RPN2: variants seen among roughly 807,000 people sequenced by gnomAD.
RPN2 encodes the protein ribophorin II.
In RPN2, 29 loss-of-function variants were observed where a neutral mutation model predicts 71.4. The observed-to-expected ratio is 0.41, with a 90% CI of 0.30 to 0.55. RPN2 has a LOEUF of 0.55. Among genes scored for constraint, RPN2 ranks in the 20% least tolerant of loss-of-function variants. The probability of loss-of-function intolerance (pLI) is 0.35; values close to 1 mark genes in which losing one functional copy is unlikely to be tolerated. For missense variants in RPN2, 726 were observed against 774.1 expected (o/e 0.94, Z 0.74); for synonymous variants, 308 against 305.0 (o/e 1.01, Z -0.10).
chr20:37,234,709 C>G (rs559544277), intron 15 of RPN2, among the ~76,000 whole-genome samples: 13 of 143,128 alleles, frequency 9.1e-5, no homozygotes, highest in African/African-American at 3.4e-4. Flanking sequence ...GAGACAGGGT[C>G]TTACTCTGTC....
intron 2 of RPN2, among the ~76,000 whole-genome samples, chr20:37,188,234 T>C (rs1032099416): frequency 1.3e-5 from 2 of 152,188 alleles, no homozygotes; most frequent in African/African-American, 4.8e-5. Context: ...AGTGGCGCGA[T>C]CTTGGCCCAC....
At chr20:37,198,617 T>G (rs941458699) in intron 3 of RPN2, 125 bp downstream of exon 3, 17 of 1,388,626 alleles carry the variant, frequency 1.2e-5, no homozygotes, top group Non-Finnish European at 1.6e-5. Flanking sequence ...GGGAATTCCA[T>G]TCCTGTGATT....
In RPN2 at chr20:37,196,791, G is replaced by C. The variant is rs137978684; in HGVS notation, c.208-1606G>C. On this transcript the variant is annotated intron_variant, in intron 2 of 16. Transcript: ENST00000237530. ...TGATTTGATACTGTTTCTTGGAGTCGAGGAGAGTCGTAGTAGCGGGGGCTT... is the reference window on the plus strand; with the variant it reads ...TGATTTGATACTGTTTCTTGGAGTCCAGGAGAGTCGTAGTAGCGGGGGCTT... Among the ~76,000 whole-genome samples the C allele has an allele frequency of 2.0e-5, 3 of 152,318 alleles. 1 individual carries two copies. The highest frequency in any genetic ancestry group is 2.1e-4 in the South Asian group (1 of 4,826).
rs182359434 is a variant in RPN2 at position 37,180,148 on chromosome 20, T to G, written c.13+779T>G. On this transcript the variant is annotated intron_variant, in intron 1 of 16. Transcript: ENST00000237530. ...AGCATGTACTCTTGTTACTACCATT[T>G]GACAGATGAGAAGTTGGAATCCCAC... Among the ~76,000 whole-genome samples the G allele has an allele frequency of 2.0e-5, 3 of 152,344 alleles. No homozygotes were observed. In the East Asian group the frequency reaches 5.8e-4, roughly 29 times the overall value.
intron 4 of RPN2, chr20:37,200,572 T>A (rs2067365937): frequency 5.9e-6 from 3 of 508,346 alleles, no homozygotes. Flanking sequence ...GTTTTTTTGC[T>A]GACAACCAGA....
chr20:37,236,620 C>T lies in RPN2; in HGVS notation c.1794C>T (p.Asn598=). The change falls in exon 16 of 17, where the codon AAC becomes AAT. Residue 598 remains asparagine (N), a synonymous_variant. Transcript: ENST00000237530. ...GLMYVYWTQL[N]MFQTLKYLAI... The stretch of plus-strand genomic sequence containing the variant: ...TGTATGTCTACTGGACTCAGCTCAA[C>T]ATGTTCCAGACCTTGAAGTACCTGG... The T allele has an allele frequency of 6.2e-7, 1 of 1,614,062 alleles. No homozygotes were observed. The highest frequency in any genetic ancestry group is 8.5e-7 in the Non-Finnish European group (1 of 1,179,894).
chr20:37,225,445 A>G (rs1365726147), intron 10 of RPN2, among the ~76,000 whole-genome samples: 1 of 152,192 alleles, frequency 6.6e-6, no homozygotes, highest in African/African-American at 2.4e-5. Context: ...CAGAGGTACA[A>G]GCATCTGTAC....
Position 37,213,846 on chromosome 20 carries a change from A to G in RPN2, c.1073A>G (p.Tyr358Cys), listed in dbSNP as rs757655386. ...GTCGAAGTTGAAGGTGACAACCGGT[A>G]TATTGCAAATACCGTAGAGGTAGGT... Reference protein sequence around the residue: ...FLVEVEGDNRYIANTVELRVK... With the variant: ...FLVEVEGDNRCIANTVELRVK... The change falls in exon 9 of 17, where the codon TAT becomes TGT. Residue 358 changes from tyrosine to cysteine, a missense_variant. Coordinates refer to ENST00000237530, the MANE Select transcript of RPN2 (RefSeq NM_002951.5). 10 of 1,613,192 alleles carry G rather than the reference A, an allele frequency of 6.2e-6. No individual in the cohort carries two copies. In the Admixed American group the frequency reaches 1.7e-4, roughly 27 times the overall value.
chr20:37,231,375 A>ACAAAAAAC, intron 13 of RPN2, among the ~76,000 whole-genome samples: 1 of 151,606 alleles, frequency 6.6e-6, no homozygotes, highest in African/African-American at 2.4e-5. Context: ...AAAACAAAAA[A>ACAAAAAAC]CAAAAAAAAA....
chr20:37,215,250 G>A (rs1394222337), intron 9 of RPN2, among the ~76,000 whole-genome samples: 1 of 152,176 alleles, frequency 6.6e-6, no homozygotes, highest in East Asian at 1.9e-4. Flanking sequence ...TAGCTAGAAA[G>A]TTTGACCTTT....
At chr20:37,196,232 C>G (rs184295194) in intron 2 of RPN2, among the ~76,000 whole-genome samples, 11 of 149,080 alleles carry the variant, frequency 7.4e-5, no homozygotes, top group East Asian at 2.0e-4. Context: ...GTCTCCCCCC[C>G]ACCTTTTTTT....
chr20:37,198,401 C>T lies in RPN2; in HGVS notation c.212C>T (p.Ala71Val), dbSNP rs1325581186. 1.9e-6 allele frequency: 3 copies of T among 1,614,244 alleles called. No homozygotes were observed. Among genetic ancestry groups the T allele is most frequent in the Admixed American group, 3.3e-5 (2 of 60,024 alleles). The change falls in exon 3 of 17, where the codon GCA (alanine) becomes GTA (valine). Residue 71 changes from alanine (A) to valine (V), a missense_variant. Physicochemically the swap from Ala to Val is moderately conservative, Grantham distance 64. Transcript: ENST00000237530. ...LGAQVPDAKK[A>V]CTYIRSNLDP... is the part of the protein sequence containing the mutation. Reference sequence around the variant, plus strand: ...TGACTTTTCCCCACTGTGTAGAAAGCATGTACCTACATCAGATCTAACCTT... The same window carrying T: ...TGACTTTTCCCCACTGTGTAGAAAGTATGTACCTACATCAGATCTAACCTT...
chr20:37,207,535 A>G, intron 7 of RPN2, 86 bp downstream of exon 7: 2 of 1,267,740 alleles, frequency 1.6e-6, no homozygotes, highest in South Asian at 1.2e-5. Flanking sequence ...GTCACAGCCA[A>G]TTACAGCCCC....
intron 7 of RPN2, 32 bp downstream of exon 7, chr20:37,207,481 T>G: frequency 1.2e-6 from 2 of 1,605,934 alleles, no homozygotes; most frequent in Non-Finnish European, 1.7e-6. Context: ...TGTGCCCCTC[T>G]GATTATCATT....
chr20:37,220,781 T>A (rs565361715), intron 9 of RPN2, among the ~76,000 whole-genome samples: 1 of 152,352 alleles, frequency 6.6e-6, no homozygotes, highest in East Asian at 1.9e-4. Context: ...AAATTTGCTT[T>A]AAAAGAGTAG....
At chr20:37,198,083 C>T (rs1410140427) in intron 2 of RPN2, among the ~76,000 whole-genome samples, 1 of 152,154 alleles carries the variant, frequency 6.6e-6, no homozygotes, top group African/African-American at 2.4e-5. Context: ...ACCAAAGGAT[C>T]ATGTTGTTAA....
chr20:37,192,347 G>GAAGAC (rs1206950868), intron 2 of RPN2, among the ~76,000 whole-genome samples: 1 of 152,222 alleles, frequency 6.6e-6, no homozygotes, highest in Non-Finnish European at 1.5e-5. Context: ...TAAGTGCAGA[G>GAAGAC]AAGACAAGAG....
intron 2 of RPN2, among the ~76,000 whole-genome samples, chr20:37,193,881 T>C (rs964933078): frequency 2.6e-5 from 4 of 152,016 alleles, no homozygotes; most frequent in African/African-American, 9.7e-5. Flanking sequence ...GATGAAGCCA[T>C]GGGCATGGAT....
At position 37,204,866 on chromosome 20, in the gene RPN2, A is replaced by G. The variant is rs778332605; in HGVS notation, c.655A>G (p.Met219Val). The change falls in exon 6 of 17, where the codon ATG becomes GTG. Residue 219 changes from methionine to valine, a missense_variant. Transcript: ENST00000237530. ...ATTTGTGGCTGCCACCTACAAGCTC[A>G]TGGATCATGTGGGGACTGAGCCATC... ...ALFVAATYKL[M>V]DHVGTEPSIK... The G allele has an allele frequency of 6.2e-7, 1 of 1,614,182 alleles. No individual in the cohort carries two copies. Among genetic ancestry groups the G allele is most frequent in the East Asian group, 2.2e-5 (1 of 44,890 alleles).
Sources: allele counts gnomAD v4.1 joint callset (sites outside exome capture counted in the v4.1 genomes callset), GRCh38; gene constraint gnomAD v4.1.1; transcripts MANE v1.5; gene names NCBI Gene and HGNC (gene_info 2026-07-23, HGNC 2026-07-21).